CRYBG1: variants seen among roughly 807,000 people sequenced by gnomAD.
CRYBG1 encodes the protein crystallin beta-gamma domain containing 1, also known as beta/gamma crystallin domain-containing protein 1.
In CRYBG1, 139 loss-of-function variants were observed where a neutral mutation model predicts 189.2. That is an observed-to-expected ratio of 0.73 (90% CI 0.64 to 0.85). CRYBG1 has a LOEUF of 0.85. Among genes scored for constraint, CRYBG1 ranks in the 40% least tolerant of loss-of-function variants. The pLI is 0.00. For missense variants in CRYBG1, 2,611 were observed against 2,675.8 expected (o/e 0.98, Z 0.53); for synonymous variants, 1,023 against 1,017.1 (o/e 1.01, Z -0.11).
intron 1 of CRYBG1, among the ~76,000 whole-genome samples, chr6:106,393,815 G>A (rs1282621073): frequency 1.3e-5 from 2 of 151,840 alleles, no homozygotes; most frequent in African/African-American, 2.4e-5. Flanking sequence ...TGGGACTACA[G>A]CCATGTGCCA....
At chr6:106,463,822 G>A (rs1377890126) in intron 2 of CRYBG1, among the ~76,000 whole-genome samples, 3 of 152,156 alleles carry the variant, frequency 2.0e-5, no homozygotes, top group African/African-American at 7.2e-5. Flanking sequence ...CTGCCATTGT[G>A]CCTAATGACT....
chr6:106,560,070 GGC>G (rs1264593069), intron 18 of CRYBG1, among the ~76,000 whole-genome samples: 4 of 152,124 alleles, frequency 2.6e-5, no homozygotes, highest in African/African-American at 9.7e-5. Flanking sequence ...CTTCAGCCTG[GGC>G]AACAGAGTGA....
In CRYBG1 at chr6:106,512,097, G is replaced by T; in HGVS notation, c.980G>T (p.Gly327Val). ...GTGTGTGCCGAAGAAGGCTCCCTGG[G>T]GCCCCGCAACGCCCGCAGCCAGCCC... ...PSVCAEEGSL[G>V]PRNARSQPPK... The change falls in exon 3 of 22, where the codon GGG becomes GTG. Residue 327 changes from glycine (G) to valine (V), a missense_variant. Gly to Val is a moderately radical substitution (Grantham distance 109). This residue lies in a region of CRYBG1 where 985 missense variants were observed against 924.4 expected (regional missense o/e 1.07). Coordinates refer to ENST00000633556, the MANE Select transcript of CRYBG1 (RefSeq NM_001371242.2). 2 of 1,534,470 alleles carry T rather than the reference G, an allele frequency of 1.3e-6. No homozygotes were observed. The highest frequency in any genetic ancestry group is 1.7e-6 in the Non-Finnish European group (2 of 1,146,230).
intron 1 of CRYBG1, among the ~76,000 whole-genome samples, chr6:106,398,627 C>T (rs1770660762): frequency 6.6e-6 from 1 of 152,070 alleles, no homozygotes; most frequent in Non-Finnish European, 1.5e-5. Flanking sequence ...TTTTTCTGAC[C>T]TCTACGCTGT....
rs183339764 is a variant in CRYBG1, at chr6:106,476,319, G to T, written c.312+24487G>T. On this transcript the variant is annotated intron_variant, in intron 2 of 21. Transcript: ENST00000633556. ...TGGACAGTCTGTGAGTTTGTTCTCG[G>T]GATGATCCTTCTGACTGGCTCTAGG... Among the ~76,000 whole-genome samples, 23 of 152,218 alleles carry T rather than the reference G, an allele frequency of 1.5e-4. No homozygotes were observed. The East Asian group carries it at 4.4e-3, about 29-fold the overall frequency.
chr6:106,388,500 C>T (rs897397429), intron 1 of CRYBG1, among the ~76,000 whole-genome samples: 2 of 152,084 alleles, frequency 1.3e-5, no homozygotes, highest in African/African-American at 4.8e-5. Flanking sequence ...AACTTAAGAG[C>T]AAAGGCTCTT....
At chr6:106,472,741 A>T (rs1172463840) in intron 2 of CRYBG1, among the ~76,000 whole-genome samples, 3 of 37,674 alleles carry the variant, frequency 8.0e-5, no homozygotes, top group Non-Finnish European at 1.9e-4. Context: ...CAAAATATTA[A>T]AAAAAAAAAA....
intron 1 of CRYBG1, among the ~76,000 whole-genome samples, chr6:106,362,425 C>G (rs1296762622): frequency 6.6e-6 from 1 of 152,014 alleles, no homozygotes; most frequent in East Asian, 1.9e-4. Flanking sequence ...TTGTGGATAC[C>G]AAAAAATGCA....
In CRYBG1 at chr6:106,519,333, A is replaced by G; in HGVS notation, c.2125A>G (p.Lys709Glu). The change falls in exon 4 of 22, where the codon AAA (lysine) becomes GAA (glutamate). Residue 709 changes from lysine to glutamate, a missense_variant. Physicochemically the swap from Lys to Glu is moderately conservative, Grantham distance 56 (BLOSUM62 1). This residue lies in a region of CRYBG1 where 1,622 missense variants were observed against 1,735.0 expected (regional missense o/e 0.93). Coordinates refer to ENST00000633556, the MANE Select transcript of CRYBG1 (RefSeq NM_001371242.2). The stretch of plus-strand genomic sequence containing the variant: ...CCAAAGGAATACTCCTGCCTCTAGT[A>G]AAACGTTTGTTGGGAGGGCAAAGCT... ...RGQRNTPASS[K>E]TFVGRAKLNL... 6.2e-7 allele frequency: 1 copy of G among 1,614,138 alleles called. No homozygotes were observed. Among genetic ancestry groups the G allele is most frequent in the Non-Finnish European group, 8.5e-7 (1 of 1,180,004 alleles).
intron 17 of CRYBG1, among the ~76,000 whole-genome samples, chr6:106,557,712 C>T (rs1055254054): frequency 3.9e-5 from 6 of 152,126 alleles, no homozygotes; most frequent in African/African-American, 9.7e-5. Context: ...GGATGACAGG[C>T]GTAAGCCACC....
At chr6:106,411,514 C>T (rs528065723) in intron 1 of CRYBG1, among the ~76,000 whole-genome samples, 2 of 152,304 alleles carry the variant, frequency 1.3e-5, no homozygotes, top group South Asian at 4.1e-4. Context: ...GTTTTTGTCA[C>T]TCTTCACACT....
At chr6:106,537,624 C>T (rs1437799364) in intron 8 of CRYBG1, among the ~76,000 whole-genome samples, 1 of 152,090 alleles carries the variant, frequency 6.6e-6, no homozygotes, top group Non-Finnish European at 1.5e-5. Context: ...GGTACATAAA[C>T]CCTAAATATA....
chr6:106,475,799 A>C (rs1443123504), intron 2 of CRYBG1, among the ~76,000 whole-genome samples: 1 of 152,212 alleles, frequency 6.6e-6, no homozygotes, highest in Non-Finnish European at 1.5e-5. Flanking sequence ...GAGGGAAACA[A>C]GAGGCAGGCA....
In CRYBG1 at chr6:106,512,192, C is replaced by T. The variant is rs1270750093; in HGVS notation, c.1075C>T (p.Gln359Ter). 1.3e-6 allele frequency: 2 copies of T among 1,535,590 alleles called. No individual in the cohort carries two copies. The highest frequency in any genetic ancestry group is 1.7e-6 in the Non-Finnish European group (2 of 1,146,468). The stretch of plus-strand genomic sequence containing the variant: ...CGCAGCGCACACGGCCAGCTCCGCG[C>T]AGGCAGACTGCACAGCCCGCCCCAA... ...EGAAHTASSA[Q>*]ADCTARPKGH... Residue 359 changes from glutamine to a stop codon, truncating the protein, a stop_gained, in exon 3 of 22, where the codon CAG (glutamine) becomes TAG (stop). Transcript: ENST00000633556. LOFTEE classifies it high-confidence loss of function.
chr6:106,377,648 T>TATATATA (rs56394821), intron 1 of CRYBG1, among the ~76,000 whole-genome samples: 2 of 146,698 alleles, frequency 1.4e-5, no homozygotes, highest in African/African-American at 2.5e-5. Context: ...TATATATATA[T>TATATATA]TTTCATTTGC....
chr6:106,363,334 AT>A (rs1351616250), intron 1 of CRYBG1, among the ~76,000 whole-genome samples: 1 of 151,196 alleles, frequency 6.6e-6, no homozygotes, highest in Non-Finnish European at 1.5e-5. Flanking sequence ...GAAACACTTC[AT>A]TTTTTCCTTC....
At chr6:106,501,878 C>G (rs1191932659) in intron 2 of CRYBG1, among the ~76,000 whole-genome samples, 1 of 152,210 alleles carries the variant, frequency 6.6e-6, no homozygotes, top group East Asian at 1.9e-4. Context: ...AATAAATCCA[C>G]TATTAAATCC....
At chr6:106,384,694 G>C (rs1770350882) in intron 1 of CRYBG1, among the ~76,000 whole-genome samples, 1 of 152,038 alleles carries the variant, frequency 6.6e-6, no homozygotes, top group Admixed American at 6.6e-5. Context: ...AGAATGTATG[G>C]AGATTTGAAG....
intron 1 of CRYBG1, among the ~76,000 whole-genome samples, chr6:106,365,476 A>G (rs1771969625): frequency 6.7e-6 from 1 of 149,920 alleles, no homozygotes; most frequent in African/African-American, 2.4e-5. Flanking sequence ...ATAAATAGAG[A>G]CAGGGTCTCA....
Sources: allele counts gnomAD v4.1 joint callset (sites outside exome capture counted in the v4.1 genomes callset), GRCh38; gene constraint gnomAD v4.1.1; regional missense constraint gnomAD v4.1.1; transcripts MANE v1.5; gene names NCBI Gene and HGNC (gene_info 2026-07-23, HGNC 2026-07-21).